Variants in MDGA2 observed in about 807,000 individuals in gnomAD.
MDGA2 encodes MAM domain-containing glycosylphosphatidylinositol anchor protein 2.
MDGA2 carries 40 observed loss-of-function variants against 117.8 expected under a neutral mutation model. The observed-to-expected ratio is 0.34, with a 90% CI of 0.26 to 0.44. MDGA2 has a LOEUF of 0.44. Among genes scored for constraint, MDGA2 ranks in the 20% least tolerant of loss-of-function variants. The probability of loss-of-function intolerance (pLI) is 1.00; values close to 1 mark genes in which losing one functional copy is unlikely to be tolerated. For synonymous variants in MDGA2, 452 were observed against 439.0 expected (o/e 1.03, Z -0.37); for missense variants, 1,123 against 1,250.6 (o/e 0.90, Z 1.54).
chr14:47,331,043 A>G (rs1440853122), intron 1 of MDGA2, among the ~76,000 whole-genome samples: 1 of 151,890 alleles, frequency 6.6e-6, no homozygotes, highest in African/African-American at 2.4e-5. Flanking sequence ...TAAAAATCCA[A>G]TTCTTCTTAG....
intron 2 of MDGA2, among the ~76,000 whole-genome samples, chr14:47,289,071 C>CTT (rs1293130011): frequency 6.6e-6 from 1 of 151,926 alleles, no homozygotes; most frequent in African/African-American, 2.4e-5. Context: ...AGTTATTAAA[C>CTT]TTAAGTCTGA....
At chr14:47,557,129 G>A (rs1778128942) in intron 1 of MDGA2, among the ~76,000 whole-genome samples, 1 of 152,042 alleles carries the variant, frequency 6.6e-6, no homozygotes, top group South Asian at 2.1e-4. Context: ...GTAGAAAGTA[G>A]GTACATAATA....
intron 2 of MDGA2, among the ~76,000 whole-genome samples, chr14:47,242,906 C>T (rs1887105831): frequency 1.3e-5 from 2 of 151,802 alleles, no homozygotes. Context: ...AGCTGGGCTC[C>T]TGAGTCTGGT....
At chr14:47,618,209 A>T (rs1302554548) in intron 1 of MDGA2, among the ~76,000 whole-genome samples, 3 of 152,202 alleles carry the variant, frequency 2.0e-5, no homozygotes, top group Admixed American at 6.5e-5. Flanking sequence ...TCCACTCATA[A>T]ATTGTATCAC....
Position 46,882,058 on chromosome 14 carries a change from A to C in MDGA2, c.2402T>G (p.Val801Gly), listed in dbSNP as rs780396798. The C allele has an allele frequency of 3.7e-6, 6 of 1,603,730 alleles. No homozygotes were observed. The East Asian group carries it at 1.1e-4, about 30-fold the overall frequency. The change falls in exon 11 of 17, where the codon GTG becomes GGG. Residue 801 changes from valine to glycine, a missense_variant. Val to Gly is a moderately radical substitution (Grantham distance 109). Around this residue, in one of 2 missense-constraint regions of MDGA2, gnomAD observed 890 missense variants for 1,050.3 expected, o/e 0.85. Coordinates refer to ENST00000399232, the MANE Select transcript of MDGA2 (RefSeq NM_001113498.3). ...KFGEGDSTIRVIKYSAPVNPH... is the reference protein window; with the variant it reads ...KFGEGDSTIRGIKYSAPVNPH... ...AGGCTACTTACCACTATATTTGATC[A>C]CACGAATTGTTGAATCTCCTTCACC...
Position 46,855,229 on chromosome 14 carries a change from G to A in MDGA2, c.2753-75C>T. ...TTTGTTTTTCCTTGACCAAACACTT[G>A]TAAACTTTTTAAACTGAAATTTTAC... On this transcript the variant is annotated intron_variant, in intron 14 of 16. Transcript: ENST00000399232. The surrounding 1 kb of genome is among the most constrained non-coding windows in gnomAD (Gnocchi z 4.1). The A allele has an allele frequency of 2.2e-6, 3 of 1,337,862 alleles. No individual in the cohort carries two copies. In the African/African-American group the frequency reaches 4.5e-5, roughly 20 times the overall value. 82.9% of individuals were successfully genotyped at this position (1,337,862 alleles called of 1,614,324 possible). A position where few individuals can be genotyped will look rare whatever the true frequency, so the allele number is the denominator to read the frequency against.
chr14:47,319,854 C>T (rs544466241), intron 1 of MDGA2, among the ~76,000 whole-genome samples: 94 of 152,210 alleles, frequency 6.2e-4, no homozygotes, highest in African/African-American at 2.2e-3. Context: ...TCCATTAATT[C>T]AAAATGTGAG....
At chr14:47,522,762 A>T (rs1038979377) in intron 1 of MDGA2, among the ~76,000 whole-genome samples, 1 of 152,218 alleles carries the variant, frequency 6.6e-6, no homozygotes, top group African/African-American at 2.4e-5. Context: ...CATTATTCTC[A>T]TACAGTACTT....
At chr14:47,236,035 G>A (rs2139588153) in intron 2 of MDGA2, among the ~76,000 whole-genome samples, 1 of 152,230 alleles carries the variant, frequency 6.6e-6, no homozygotes, top group South Asian at 2.1e-4. Context: ...TGTGGGGCCT[G>A]TAATCCCAGC....
intron 3 of MDGA2, among the ~76,000 whole-genome samples, chr14:47,190,425 A>T (rs554649218): frequency 2.0e-5 from 3 of 152,332 alleles, no homozygotes; most frequent in African/African-American, 7.2e-5. Flanking sequence ...CCTTCAAGGT[A>T]TGTGTCCTTT....
In MDGA2 at chr14:47,050,715, A is replaced by C. The variant is rs1016908802; in HGVS notation, c.1525+10534T>G. The stretch of plus-strand genomic sequence containing the variant: ...TGTTTTCAGGCAGCTAGGAGAAGGC[A>C]AGTATCATCTTGATCTGAACTAAAG... On this transcript the variant is annotated intron_variant, in intron 7 of 16. Transcript: ENST00000399232. Among the ~76,000 whole-genome samples, 4 of 152,010 alleles carry C rather than the reference A, an allele frequency of 2.6e-5. No individual in the cohort carries two copies. The South Asian group carries it at 6.2e-4, about 24-fold the overall frequency.
intron 9 of MDGA2, among the ~76,000 whole-genome samples, chr14:46,930,385 T>C (rs1884522785): frequency 6.6e-6 from 1 of 152,154 alleles, no homozygotes; most frequent in Admixed American, 6.6e-5. Flanking sequence ...CTTTTTGGTA[T>C]TCTATGCATT....
intron 7 of MDGA2, among the ~76,000 whole-genome samples, chr14:47,043,508 C>T (rs1402505389): frequency 6.6e-6 from 1 of 152,030 alleles, no homozygotes; most frequent in African/African-American, 2.4e-5. Flanking sequence ...TGTCCTTCCC[C>T]TTTTAAATGA....
At chr14:47,581,948 C>T (rs377054471) in intron 1 of MDGA2, among the ~76,000 whole-genome samples, 1 of 151,850 alleles carries the variant, frequency 6.6e-6, no homozygotes, top group East Asian at 1.9e-4. Flanking sequence ...AGCAGTTAAG[C>T]ATGCAAGTTC....
Position 46,997,400 on chromosome 14 carries a change from C to A in MDGA2, c.1819+37611G>T, listed in dbSNP as rs1031349617. 2.6e-5 allele frequency among the ~76,000 whole-genome samples: 4 copies of A among 152,194 alleles called. No homozygotes were observed. In the South Asian group the frequency reaches 6.2e-4, roughly 24 times the overall value. On this transcript the variant is annotated intron_variant, in intron 8 of 16. Coordinates refer to ENST00000399232, the MANE Select transcript of MDGA2 (RefSeq NM_001113498.3). ...ATTGATAGAGATGTATATACTAGGG[C>A]AGAATTTCCCGAAGAAATTACAAAT... is the stretch of plus-strand genomic sequence containing the variant.
chr14:47,660,591 T>C (rs547478715), intron 1 of MDGA2, among the ~76,000 whole-genome samples: 1 of 152,312 alleles, frequency 6.6e-6, no homozygotes, highest in Non-Finnish European at 1.5e-5. Context: ...AATCCGCTGA[T>C]AGAGTCTCCT....
chr14:47,030,427 T>C (rs1040306991), intron 8 of MDGA2, among the ~76,000 whole-genome samples: 5 of 151,908 alleles, frequency 3.3e-5, no homozygotes, highest in African/African-American at 1.2e-4. Context: ...AGTAAGAGAA[T>C]TGCTTGAACC....
chr14:47,150,124 C>T (rs1393972553), intron 3 of MDGA2, among the ~76,000 whole-genome samples: 2 of 152,118 alleles, frequency 1.3e-5, no homozygotes, highest in East Asian at 3.9e-4. Context: ...ATGGAAATGA[C>T]TGCCTCTAAT....
chr14:47,461,212 G>A (rs1194539079), intron 1 of MDGA2, among the ~76,000 whole-genome samples: 1 of 150,770 alleles, frequency 6.6e-6, no homozygotes, highest in African/African-American at 2.4e-5. Flanking sequence ...TTACTTCAAT[G>A]AAAGAGTCAA....
Sources: allele counts gnomAD v4.1 joint callset (sites outside exome capture counted in the v4.1 genomes callset), GRCh38; gene constraint gnomAD v4.1.1; regional missense constraint gnomAD v4.1.1; non-coding constraint Gnocchi (gnomAD v3.1); transcripts MANE v1.5; gene names NCBI Gene and HGNC (gene_info 2026-07-23, HGNC 2026-07-21).